The following CHSY3 variants were observed in gnomAD, a reference collection of about 807,000 sequenced individuals.
CHSY3 encodes N-acetylgalactosaminyl-proteoglycan 3-beta-glucuronosyltransferase 3.
Under a neutral mutation model 67.2 loss-of-function variants are expected in CHSY3, and 35 were observed. The observed-to-expected ratio is 0.52, with a 90% CI of 0.40 to 0.69. CHSY3 has a LOEUF of 0.69. CHSY3 is among the 30% of genes least tolerant of loss of function. The probability of loss-of-function intolerance (pLI) is 0.00; values close to 1 mark genes in which losing one functional copy is unlikely to be tolerated. For missense variants in CHSY3, 1,069 were observed against 1,138.5 expected, an observed-to-expected ratio of 0.94 and a Z score of 0.88; for synonymous variants, 474 against 434.7, an observed-to-expected ratio of 1.09 and a Z score of -1.12.
At chr5:129,908,740 T>G (rs1213084934) in intron 2 of CHSY3, among the ~76,000 whole-genome samples, 1 of 152,078 alleles carries the variant, frequency 6.6e-6, no homozygotes. Context: ...TGTGCCTTTT[T>G]ATTTTATTTT....
chr5:130,084,627 A>G (rs1285281881), intron 2 of CHSY3, among the ~76,000 whole-genome samples: 2 of 151,466 alleles, frequency 1.3e-5, no homozygotes, highest in Non-Finnish European at 2.9e-5. Flanking sequence ...TAAGACATCA[A>G]AAGAATAATT....
intron 2 of CHSY3, among the ~76,000 whole-genome samples, chr5:130,020,445 ATATATATATATATATAT>A (rs1198947885): frequency 0.012 from 165 of 13,612 alleles, 5 homozygotes; most frequent in Non-Finnish European, 0.022. Context: ...ATATATATAT[ATATATATATATATATAT>A]TTTTTTTTTT....
At chr5:129,994,894 T>C (rs1763487464) in intron 2 of CHSY3, among the ~76,000 whole-genome samples, 1 of 149,664 alleles carries the variant, frequency 6.7e-6, no homozygotes, top group Admixed American at 6.7e-5. Context: ...CTGGGGACTG[T>C]TGTGGGGTGG....
At chr5:130,142,655 A>G (rs1159583491) in intron 2 of CHSY3, among the ~76,000 whole-genome samples, 1 of 152,222 alleles carries the variant, frequency 6.6e-6, no homozygotes, top group Non-Finnish European at 1.5e-5. Context: ...TTTCCTTTGC[A>G]ATTGTTTCTA....
At chr5:130,141,644 T>G (rs1318319040) in intron 2 of CHSY3, 3 of 524,032 alleles carry the variant, frequency 5.7e-6, no homozygotes, top group Non-Finnish European at 1.1e-5. Context: ...AAGAATTCAG[T>G]TGAAAGCTAT....
chr5:130,135,208 A>G (rs1376978528), intron 2 of CHSY3, among the ~76,000 whole-genome samples: 1 of 151,924 alleles, frequency 6.6e-6, no homozygotes, highest in Non-Finnish European at 1.5e-5. Context: ...ACATATATGT[A>G]TACACACACA....
At chr5:130,047,802 T>C (rs1414075823) in intron 2 of CHSY3, among the ~76,000 whole-genome samples, 1 of 152,076 alleles carries the variant, frequency 6.6e-6, no homozygotes, top group Non-Finnish European at 1.5e-5. Context: ...ATACTATCAT[T>C]GCATTATGTA....
chr5:129,989,702 T>C (rs991543896), intron 2 of CHSY3, among the ~76,000 whole-genome samples: 2 of 152,180 alleles, frequency 1.3e-5, no homozygotes, highest in Non-Finnish European at 2.9e-5. Flanking sequence ...CTGCTAACTT[T>C]CTGATGTTGG....
chr5:130,068,474 A>T lies in CHSY3; in HGVS notation c.1087-115755A>T, dbSNP rs200412979. 2.4e-4 allele frequency among the ~76,000 whole-genome samples: 37 copies of T among 152,224 alleles called. No homozygotes were observed. In the East Asian group the frequency reaches 7.0e-3, roughly 29 times the overall value. ...GAAAAATACTACTCCTCTAAGAACAACAACAACAACAAAAACTATACAACA... is the reference window on the plus strand; with the variant it reads ...GAAAAATACTACTCCTCTAAGAACATCAACAACAACAAAAACTATACAACA... On this transcript the variant is annotated intron_variant, in intron 2 of 2. Coordinates refer to ENST00000305031, the MANE Select transcript of CHSY3 (RefSeq NM_175856.5).
At chr5:130,019,040 G>A (rs1326234318) in intron 2 of CHSY3, among the ~76,000 whole-genome samples, 1 of 151,998 alleles carries the variant, frequency 6.6e-6, no homozygotes, top group Non-Finnish European at 1.5e-5. Context: ...CATGTTTCTT[G>A]TACAGCCTGC....
chr5:130,076,753 G>A (rs1766267613), intron 2 of CHSY3, among the ~76,000 whole-genome samples: 1 of 151,998 alleles, frequency 6.6e-6, no homozygotes, highest in South Asian at 2.1e-4. Flanking sequence ...TTGGGAGTAA[G>A]GGGTAGTCAA....
intron 2 of CHSY3, among the ~76,000 whole-genome samples, chr5:130,020,444 TATATATA>T (rs1764342632): frequency 5.2e-5 from 2 of 38,212 alleles, no homozygotes; most frequent in African/African-American, 1.4e-4. Flanking sequence ...TATATATATA[TATATATA>T]TATATATATA....
chr5:130,036,462 G>A (rs1018834405), intron 2 of CHSY3, among the ~76,000 whole-genome samples: 2 of 152,118 alleles, frequency 1.3e-5, no homozygotes, highest in African/African-American at 4.8e-5. Flanking sequence ...ATTGGGCTTG[G>A]ATGCTGTAAA....
intron 2 of CHSY3, among the ~76,000 whole-genome samples, chr5:129,992,507 C>G (rs930012301): frequency 1.3e-5 from 2 of 152,150 alleles, no homozygotes; most frequent in Non-Finnish European, 2.9e-5. Flanking sequence ...CAAACTGGCA[C>G]TCTCCAGTAC....
chr5:129,995,499 TTTC>T (rs1763510187), intron 2 of CHSY3, among the ~76,000 whole-genome samples: 1 of 150,916 alleles, frequency 6.6e-6, no homozygotes, highest in Non-Finnish European at 1.5e-5. Flanking sequence ...GTACTTTTTT[TTTC>T]TTTTCTTTTC....
At chr5:130,172,761 TCTCA>T (rs1022501667) in intron 2 of CHSY3, among the ~76,000 whole-genome samples, 4 of 152,220 alleles carry the variant, frequency 2.6e-5, no homozygotes, top group African/African-American at 9.6e-5. Context: ...CCCATTTTCT[TCTCA>T]CTCCAGTCCC....
At chr5:130,015,632 G>A (rs981996892) in intron 2 of CHSY3, among the ~76,000 whole-genome samples, 2 of 152,228 alleles carry the variant, frequency 1.3e-5, no homozygotes, top group Non-Finnish European at 2.9e-5. Flanking sequence ...CTTACACAGT[G>A]CTGGAGGGAA....
chr5:130,143,242 TG>T (rs1466881127), intron 2 of CHSY3, among the ~76,000 whole-genome samples: 5 of 152,146 alleles, frequency 3.3e-5, no homozygotes, highest in Non-Finnish European at 7.4e-5. Context: ...AGAAGTAGTT[TG>T]AGTTCATCAT....
Position 129,905,053 on chromosome 5 carries a change from C to T in CHSY3, c.224C>T (p.Ser75Leu), listed in dbSNP as rs1326987084. 2 of 1,546,662 alleles carry T rather than the reference C, an allele frequency of 1.3e-6. No homozygotes were observed. Among genetic ancestry groups the T allele is most frequent in the East Asian group, 2.4e-5 (1 of 41,410 alleles). Residue 75 changes from serine (S) to leucine (L), a missense_variant, in exon 1 of 3, where the codon TCG becomes TTG. Coordinates refer to ENST00000305031, the MANE Select transcript of CHSY3 (RefSeq NM_175856.5). ...CAGTCCCGACCACGGCAGGAGCAGT[C>T]GCCGCCCCCCGCGCGCCAGGATCTC... The part of the protein sequence containing the change: ...QPQSRPRQEQ[S>L]PPPARQDLQG...
Sources: allele counts gnomAD v4.1 joint callset (sites outside exome capture counted in the v4.1 genomes callset), GRCh38; gene constraint gnomAD v4.1.1; transcripts MANE v1.5; gene names NCBI Gene and HGNC (gene_info 2026-07-23, HGNC 2026-07-21).